The following RUSC1 variants were observed in gnomAD, a reference collection of about 807,000 sequenced individuals.
RUSC1 encodes the protein AP-4 complex accessory subunit RUSC1.
Under a neutral mutation model 72.1 loss-of-function variants are expected in RUSC1, and 40 were observed. That is an observed-to-expected ratio of 0.55 (90% CI 0.43 to 0.72). The LOEUF is 0.72. RUSC1 is among the 30% of genes least tolerant of loss of function. RUSC1 has a pLI of 0.00. For missense variants in RUSC1, 1,092 were observed against 1,172.3 expected (o/e 0.93, Z 1.00); for synonymous variants, 512 against 494.2 (o/e 1.04, Z -0.48).
At position 155,322,115 on chromosome 1, in the gene RUSC1, C is replaced by T; in HGVS notation, c.342C>T (p.Pro114=). ...SSLSSCSDLS[P]DESPVSVYLR... ...TCAGCTCCTGCTCAGATCTTAGCCC[C>T]GATGAGTCCCCTGTCTCAGTCTACT... Residue 114 remains proline (P), a synonymous_variant, in exon 2 of 10, where the codon CCC becomes CCT. Coordinates refer to ENST00000368352, the MANE Select transcript of RUSC1 (RefSeq NM_001105203.2). 6.2e-7 allele frequency: 1 copy of T among 1,611,256 alleles called. No homozygotes were observed. Among genetic ancestry groups the T allele is most frequent in the Non-Finnish European group, 8.5e-7 (1 of 1,178,196 alleles).
chr1:155,321,310 G>C, intron 1 of RUSC1: 1 of 1,371,540 alleles, frequency 7.3e-7, no homozygotes, highest in East Asian at 4.5e-5. Flanking sequence ...TCCTTTCAGG[G>C]CATCTGGGTG....
In RUSC1 at chr1:155,330,308, G is replaced by A; in HGVS notation, c.2541-95G>A. The A allele has an allele frequency of 3.1e-6, 4 of 1,271,920 alleles. No homozygotes were observed. In the South Asian group the frequency reaches 5.2e-5, roughly 17 times the overall value. 78.8% of individuals were successfully genotyped at this position (1,271,920 alleles called of 1,614,324 possible). A position where few individuals can be genotyped will look rare whatever the true frequency, so the allele number is the denominator to read the frequency against. On this transcript the variant is annotated intron_variant, in intron 9 of 9. Coordinates refer to ENST00000368352, the MANE Select transcript of RUSC1 (RefSeq NM_001105203.2). ...CCAGAGCCCAGTCAATGTCCACTGA[G>A]CCAAACCAACAAGGGCACTCTAGAG...
chr1:155,321,639 C>CCG (rs1264407778), intron 1 of RUSC1, 49 bp from the exon 2 acceptor site: 2 of 1,320,270 alleles, frequency 1.5e-6, no homozygotes, highest in African/African-American at 2.9e-5. Context: ...GTGTCCTTCC[C>CCG]CGCAGCTCTT....
Position 155,325,253 on chromosome 1 carries a change from C to G in RUSC1, c.1534-63C>G. On this transcript the variant is annotated intron_variant, in intron 4 of 9. Coordinates refer to ENST00000368352, the MANE Select transcript of RUSC1 (RefSeq NM_001105203.2). This position sits in a 1 kb window ranked among gnomAD's most constrained non-coding sequence, Gnocchi z 6.5. ...CCGCGGGGGGTGCGGGAATGGTTGG[C>G]GGGAGGTGGCTGGGAGGTGTCTGGA... The G allele has an allele frequency of 2.5e-6, 4 of 1,610,278 alleles. No individual in the cohort carries two copies. Among genetic ancestry groups the G allele is most frequent in the Non-Finnish European group, 3.4e-6 (4 of 1,179,718 alleles).
In RUSC1 at chr1:155,326,470, G is replaced by A. The variant is rs2148280519; in HGVS notation, c.1862-110G>A. On this transcript the variant is annotated intron_variant, in intron 7 of 9. Transcript: ENST00000368352. This position sits in a 1 kb window ranked among gnomAD's most constrained non-coding sequence, Gnocchi z 4.7. ...CATCCTTCCTCCTCTCTGCCCCAGT[G>A]CCCAGCAGAGTGAGGCCTGGGAAGA... 1 of 1,123,338 alleles carries A rather than the reference G, an allele frequency of 8.9e-7. No individual in the cohort carries two copies. Among genetic ancestry groups the A allele is most frequent in the Non-Finnish European group, 1.3e-6 (1 of 791,614 alleles). 69.6% of individuals were successfully genotyped at this position (1,123,338 alleles called of 1,614,324 possible). A position where few individuals can be genotyped will look rare whatever the true frequency, so the allele number is the denominator to read the frequency against.
intron 8 of RUSC1, 85 bp from the exon 9 acceptor site, chr1:155,328,065 C>G: frequency 6.5e-7 from 1 of 1,527,600 alleles, no homozygotes; most frequent in Non-Finnish European, 8.8e-7. Context: ...AATTAGGCCC[C>G]TTAGCCTCTC....
chr1:155,325,813 G>C lies in RUSC1; in HGVS notation c.1815-51G>C. The C allele has an allele frequency of 1.2e-6, 2 of 1,606,658 alleles. No individual in the cohort carries two copies. The highest frequency in any genetic ancestry group is 1.7e-6 in the Non-Finnish European group (2 of 1,173,322). ...CATCTCCCATCCTCCACCCAGAGAG[G>C]ACTGGAGTCCTCCACCTCCCTGAAC... On this transcript the variant is annotated intron_variant, in intron 6 of 9. Transcript: ENST00000368352. This position sits in a 1 kb window ranked among gnomAD's most constrained non-coding sequence, Gnocchi z 6.5.
In RUSC1 at chr1:155,326,248, TC is replaced by T. The variant is rs1444913131; in HGVS notation, c.1862-328del. ...AACTATCATTCATCCTTTGAGTCCT[TC>T]CCCAGTGAGGCCCTACCTCTACCCT... On this transcript the variant is annotated intron_variant, in intron 7 of 9. Coordinates refer to ENST00000368352, the MANE Select transcript of RUSC1 (RefSeq NM_001105203.2). This position sits in a 1 kb window ranked among gnomAD's most constrained non-coding sequence, Gnocchi z 4.7. 9.8e-5 allele frequency: 53 copies of T among 538,618 alleles called. No individual in the cohort carries two copies. In the East Asian group the frequency reaches 1.6e-3, roughly 16 times the overall value. 33.4% of individuals were successfully genotyped at this position (538,618 alleles called of 1,614,324 possible). A position where few individuals can be genotyped will look rare whatever the true frequency, so the allele number is the denominator to read the frequency against.
Position 155,324,922 on chromosome 1 carries a change from C to G in RUSC1, c.1435C>G (p.Gln479Glu). Residue 479 changes from glutamine (Q) to glutamate (E), a missense_variant, in exon 3 of 10, where the codon CAG (glutamine) becomes GAG (glutamate). Transcript: ENST00000368352. ...GGCAGAAGCCCAGAGTGGGACTGGT[C>G]AGCTGCAGGAGCAGAAGAAAGGTAG... The part of the protein sequence containing the change: ...WMAEAQSGTG[Q>E]LQEQKKGLLI... 1 of 1,614,196 alleles carries G rather than the reference C, an allele frequency of 6.2e-7. No individual in the cohort carries two copies. Among genetic ancestry groups the G allele is most frequent in the Non-Finnish European group, 8.5e-7 (1 of 1,180,046 alleles).
Position 155,322,737 on chromosome 1 carries a change from A to G in RUSC1, c.964A>G (p.Lys322Glu). The G allele has an allele frequency of 6.2e-7, 1 of 1,614,166 alleles. No homozygotes were observed. Among genetic ancestry groups the G allele is most frequent in the Non-Finnish European group, 8.5e-7 (1 of 1,180,006 alleles). ...CACGTCCTTCCACGAGCTGGCCCAGAAGCGCAAGCGGGGCCCAGGGCTGCC... is the reference window on the plus strand; with the variant it reads ...CACGTCCTTCCACGAGCTGGCCCAGGAGCGCAAGCGGGGCCCAGGGCTGCC... ...TITSFHELAQ[K>E]RKRGPGLPLV... Residue 322 changes from lysine (K) to glutamate (E), a missense_variant, in exon 2 of 10, where the codon AAG (lysine) becomes GAG (glutamate). Physicochemically the swap from Lys to Glu is moderately conservative, Grantham distance 56. Transcript: ENST00000368352.
intron 9 of RUSC1, among the ~76,000 whole-genome samples, chr1:155,328,855 C>T (rs1651710409): frequency 6.6e-6 from 1 of 152,130 alleles, no homozygotes; most frequent in Non-Finnish European, 1.5e-5. Flanking sequence ...GCCTTGGCCT[C>T]CCAAAGTGCT....
Position 155,320,927 on chromosome 1 carries a change from C to T in RUSC1, c.-151C>T, listed in dbSNP as rs745696830. 4.4e-6 allele frequency: 7 copies of T among 1,578,204 alleles called. No homozygotes were observed. In the African/African-American group the frequency reaches 8.2e-5, roughly 18 times the overall value. ...GCCCCTCCCCTCCCGCTCTGTGCCC[C>T]GCCGGGCGGGGACCGTGGGAGCCGC... On this transcript the variant is annotated 5_prime_UTR_variant, in exon 1 of 10. Transcript: ENST00000368352.
chr1:155,321,124 A>C (rs1226263397), intron 1 of RUSC1, 133 bp downstream of exon 1: 21 of 1,382,652 alleles, frequency 1.5e-5, no homozygotes, highest in Non-Finnish European at 2.0e-5. Flanking sequence ...ATGCGGAGAG[A>C]ATGGACATAC....
intron 2 of RUSC1, chr1:155,324,071 G>A (rs1436699305): frequency 6.2e-6 from 7 of 1,133,484 alleles, no homozygotes; most frequent in Non-Finnish European, 7.6e-6. Flanking sequence ...AGTGGACGCG[G>A]GCTTACCCAG....
At position 155,322,856 on chromosome 1, in the gene RUSC1, C is replaced by T. The variant is rs754798813; in HGVS notation, c.1083C>T (p.Ser361=). The part of the protein sequence containing the change: ...ELPPSGSPGG[S]SAPPREVTTF... ...CCCCCTCGGGGTCGCCGGGCGGCTC[C>T]TCGGCACCTCCTCGGGAAGTCACCA... Residue 361 remains serine (S), a synonymous_variant, in exon 2 of 10, where the codon TCC becomes TCT. Coordinates refer to ENST00000368352, the MANE Select transcript of RUSC1 (RefSeq NM_001105203.2). The T allele has an allele frequency of 6.2e-7, 1 of 1,613,232 alleles. No homozygotes were observed. The highest frequency in any genetic ancestry group is 8.5e-7 in the Non-Finnish European group (1 of 1,179,824).
intron 9 of RUSC1, among the ~76,000 whole-genome samples, chr1:155,329,120 A>G (rs964353590): frequency 2.7e-5 from 4 of 150,640 alleles, no homozygotes; most frequent in Non-Finnish European, 4.4e-5. Flanking sequence ...ACAGAGTCTC[A>G]CTCTCGCCCA....
At position 155,325,646 on chromosome 1, in the gene RUSC1, C is replaced by T. The variant is rs1651296472; in HGVS notation, c.1788C>T (p.Phe596=). ...CGCTGAGCAGCAGCCGTAGCCGCTT[C>T]CATGCCTTTATCCTGGGCCTCCTCA... ...LAPLSSSRSR[F]HAFILGLLNT... is the part of the protein sequence containing the mutation. The change falls in exon 6 of 10, where the codon TTC becomes TTT. Residue 596 remains phenylalanine (F), a synonymous_variant. Transcript: ENST00000368352. This position sits in a 1 kb window ranked among gnomAD's most constrained non-coding sequence, Gnocchi z 6.5. The T allele has an allele frequency of 6.2e-7, 1 of 1,613,762 alleles. No homozygotes were observed. The highest frequency in any genetic ancestry group is 1.3e-5 in the African/African-American group (1 of 74,944).
At chr1:155,323,206 T>C in intron 2 of RUSC1, 76 bp downstream of exon 2, 4 of 1,361,888 alleles carry the variant, frequency 2.9e-6, no homozygotes, top group Admixed American at 3.4e-5. Context: ...CCCGGCCCCC[T>C]GTCTTCCCTC....
At chr1:155,324,000 A>G in intron 2 of RUSC1, 2 of 1,015,732 alleles carry the variant, frequency 2.0e-6, no homozygotes, top group Non-Finnish European at 2.4e-6. Flanking sequence ...CTGGAGGGGG[A>G]AGTTGTTGCC....
Sources: gnomAD v4.1 joint callset for allele counts (sites outside exome capture counted in the v4.1 genomes callset) on GRCh38, gnomAD v4.1.1 for gene constraint, Gnocchi (gnomAD v3.1) non-coding constraint, MANE v1.5 for transcripts, NCBI Gene and HGNC (gene_info 2026-07-23, HGNC 2026-07-21) for gene names.